OSTF1: variants seen among roughly 807,000 people sequenced by gnomAD.
The protein encoded by OSTF1 is osteoclast-stimulating factor 1.
OSTF1 carries 27 observed loss-of-function variants against 37.2 expected under a neutral mutation model. The ratio of observed to expected loss-of-function variants is 0.73; its 90% CI spans 0.54 to 1.00. OSTF1 has a LOEUF of 1.00. Among genes scored for constraint, OSTF1 ranks in the 50% least tolerant of loss-of-function variants. The probability of loss-of-function intolerance (pLI) is 0.00; values close to 1 mark genes in which losing one functional copy is unlikely to be tolerated. For synonymous variants in OSTF1, 82 were observed against 89.2 expected (o/e 0.92, Z 0.46); for missense variants, 232 against 253.8 (o/e 0.91, Z 0.58).
intron 1 of OSTF1, among the ~76,000 whole-genome samples, chr9:75,107,772 A>G (rs1825314794): frequency 6.6e-6 from 1 of 152,202 alleles, no homozygotes; most frequent in Admixed American, 6.5e-5. Flanking sequence ...AAAATCTACC[A>G]TTAAGCTTTG....
chr9:75,144,945 A>G (rs1825996698), intron 9 of OSTF1, among the ~76,000 whole-genome samples: 1 of 152,026 alleles, frequency 6.6e-6, no homozygotes, highest in Non-Finnish European at 1.5e-5. Flanking sequence ...CTTGCAATTT[A>G]TTTATTAAAG....
chr9:75,140,394 GA>G (rs1212389257), intron 8 of OSTF1, among the ~76,000 whole-genome samples: 1 of 152,336 alleles, frequency 6.6e-6, no homozygotes, highest in East Asian at 1.9e-4. Flanking sequence ...TGGGAATAAT[GA>G]ATTGCCTCTT....
In OSTF1 at chr9:75,117,743, T is replaced by C. The variant is rs531561050; in HGVS notation, c.81+193T>C. On this transcript the variant is annotated intron_variant, in intron 2 of 9. Transcript: ENST00000346234. ...GCATGTCTTCTGCATCTTGAGGTCA[T>C]GTCTGTCTTGTAAAGCTTCTCCCTA... is the stretch of plus-strand genomic sequence containing the variant. Among the ~76,000 whole-genome samples, 4 of 152,328 alleles carry C rather than the reference T, an allele frequency of 2.6e-5. No individual in the cohort carries two copies. In the South Asian group the frequency reaches 8.3e-4, roughly 32 times the overall value.
At position 75,131,789 on chromosome 9, in the gene OSTF1, C is replaced by T. The variant is rs1048084220; in HGVS notation, c.216C>T (p.Ser72=). 5.0e-6 allele frequency: 8 copies of T among 1,613,388 alleles called. No individual in the cohort carries two copies. Among genetic ancestry groups the T allele is most frequent in the Middle Eastern group, 1.6e-4 (1 of 6,084 alleles). ...ATCTAGTGGCTGAGCAGGCAGAATCCATTGACAATCCATTGCATGAAGCAG... is the reference window on the plus strand; with the variant it reads ...ATCTAGTGGCTGAGCAGGCAGAATCTATTGACAATCCATTGCATGAAGCAG... ...PSNYVAEQAE[S]IDNPLHEAAK... The change falls in exon 5 of 10, where the codon TCC becomes TCT. Residue 72 remains serine, a synonymous_variant. Transcript: ENST00000346234.
chr9:75,100,818 A>AC (rs953287805), intron 1 of OSTF1, among the ~76,000 whole-genome samples: 3 of 151,798 alleles, frequency 2.0e-5, no homozygotes, highest in African/African-American at 7.3e-5. Flanking sequence ...TAAGAATTTG[A>AC]CCGTGGAAGT....
Position 75,088,549 on chromosome 9 carries a change from C to A in OSTF1, c.-144C>A. The A allele has an allele frequency of 2.3e-6, 2 of 867,776 alleles. No homozygotes were observed. The highest frequency in any genetic ancestry group is 3.7e-6 in the Non-Finnish European group (2 of 546,458). 53.8% of individuals were successfully genotyped at this position (867,776 alleles called of 1,614,324 possible). On this transcript the variant is annotated 5_prime_UTR_variant, in exon 1 of 10. Coordinates refer to ENST00000346234, the MANE Select transcript of OSTF1 (RefSeq NM_012383.5). Reference sequence around the variant, plus strand: ...GCCGCTCTGCCTGCGTCCGCTCTTCCCGCAGCCAAGGGTGGGCGCCGGTCC... The same window carrying A: ...GCCGCTCTGCCTGCGTCCGCTCTTCACGCAGCCAAGGGTGGGCGCCGGTCC...
At chr9:75,124,256 G>A (rs1825627571) in intron 2 of OSTF1, among the ~76,000 whole-genome samples, 1 of 152,192 alleles carries the variant, frequency 6.6e-6, no homozygotes, top group Admixed American at 6.5e-5. Context: ...CCCCTCAAGC[G>A]TTTATCGTTT....
rs1389353232 is a variant in OSTF1 at position 75,119,571 on chromosome 9, T to G, written c.81+2021T>G. Reference sequence around the variant, plus strand: ...GATCAAGGTGTCGGCAGGATTGGTTTCTTCTGAGGCCTTGCTTCTTGGCTT... The same window carrying G: ...GATCAAGGTGTCGGCAGGATTGGTTGCTTCTGAGGCCTTGCTTCTTGGCTT... On this transcript the variant is annotated intron_variant, in intron 2 of 9. Transcript: ENST00000346234. 4.6e-5 allele frequency among the ~76,000 whole-genome samples: 7 copies of G among 152,220 alleles called. No individual in the cohort carries two copies. In the South Asian group the frequency reaches 1.4e-3, roughly 32 times the overall value.
chr9:75,115,446 C>A (rs1245445073), intron 1 of OSTF1, among the ~76,000 whole-genome samples: 1 of 152,106 alleles, frequency 6.6e-6, no homozygotes, highest in Non-Finnish European at 1.5e-5. Flanking sequence ...TGCACGCCAT[C>A]ATGCCCGGCA....
At chr9:75,130,735 A>G in intron 4 of OSTF1, 94 bp downstream of exon 4, 1 of 796,534 alleles carries the variant, frequency 1.3e-6, no homozygotes, top group Non-Finnish European at 2.3e-6. Context: ...CTGAGAAAGC[A>G]ATGGAGTCAT....
At chr9:75,134,974 A>G (rs1308513196) in intron 7 of OSTF1, among the ~76,000 whole-genome samples, 2 of 152,146 alleles carry the variant, frequency 1.3e-5, no homozygotes, top group Non-Finnish European at 2.9e-5. Flanking sequence ...AAAATGTGTA[A>G]GATAATCAAC....
At chr9:75,131,901 C>T in intron 5 of OSTF1, 78 bp downstream of exon 5, 1 of 1,012,460 alleles carries the variant, frequency 9.9e-7, no homozygotes, top group Non-Finnish European at 1.6e-6. Context: ...CAAGTGCATA[C>T]ACCCACGTAA....
chr9:75,099,985 A>G (rs1461664791), intron 1 of OSTF1, among the ~76,000 whole-genome samples: 1 of 152,250 alleles, frequency 6.6e-6, no homozygotes, highest in African/African-American at 2.4e-5. Context: ...GAAAATTATT[A>G]TAGTGCTCAA....
At chr9:75,146,152 G>C (rs1047183488) in intron 9 of OSTF1, among the ~76,000 whole-genome samples, 1 of 152,232 alleles carries the variant, frequency 6.6e-6, no homozygotes, top group Non-Finnish European at 1.5e-5. Flanking sequence ...AAGTTTGCTT[G>C]AACATTTGAT....
At chr9:75,109,960 A>C (rs1825355624) in intron 1 of OSTF1, among the ~76,000 whole-genome samples, 1 of 152,204 alleles carries the variant, frequency 6.6e-6, no homozygotes, top group Non-Finnish European at 1.5e-5. Context: ...GAAGGTACAG[A>C]GATTTCTCAT....
chr9:75,129,507 C>T lies in OSTF1; in HGVS notation c.133-1071C>T, dbSNP rs570327670. ...GGCTACTAACATTACAAAAAGAAGC[C>T]GACTAGATAGTTTGCATTTCCTAAT... On this transcript the variant is annotated intron_variant, in intron 3 of 9. Transcript: ENST00000346234. 5.3e-5 allele frequency among the ~76,000 whole-genome samples: 8 copies of T among 152,126 alleles called. No homozygotes were observed. In the South Asian group the frequency reaches 8.3e-4, roughly 16 times the overall value.
At chr9:75,107,534 T>C (rs758482822) in intron 1 of OSTF1, among the ~76,000 whole-genome samples, 3 of 152,216 alleles carry the variant, frequency 2.0e-5, no homozygotes, top group Non-Finnish European at 4.4e-5. Flanking sequence ...TGGGAGAATA[T>C]TGTTTTTTAT....
chr9:75,131,962 C>T lies in OSTF1; in HGVS notation c.250+139C>T. ...CATTTCTGCCATCCTAGAAAGTTCC[C>T]TTTGCACCTTCTCAGTTAAATCCCT... is the stretch of plus-strand genomic sequence containing the variant. On this transcript the variant is annotated intron_variant, in intron 5 of 9. Coordinates refer to ENST00000346234, the MANE Select transcript of OSTF1 (RefSeq NM_012383.5). 3 of 644,264 alleles carry T rather than the reference C, an allele frequency of 4.7e-6. No homozygotes were observed. In the Admixed American group the frequency reaches 7.1e-5, roughly 15 times the overall value. The allele number at this position is 644,264 out of a possible 1,614,324, so 39.9% of individuals were successfully genotyped here.
chr9:75,088,525 C>T lies in OSTF1; in HGVS notation c.-168C>T, dbSNP rs1037222085. ...GGGCGGGGCGGAGCACTCGGCGGAG[C>T]CGCTCTGCCTGCGTCCGCTCTTCCC... On this transcript the variant is annotated 5_prime_UTR_variant, in exon 1 of 10. Transcript: ENST00000346234. The T allele has an allele frequency of 9.8e-6, 7 of 713,270 alleles. No homozygotes were observed. The highest frequency in any genetic ancestry group is 1.8e-5 in the African/African-American group (1 of 56,208). The allele number at this position is 713,270 out of a possible 1,614,324, so 44.2% of individuals were successfully genotyped here. A position where few individuals can be genotyped will look rare whatever the true frequency, so the allele number is the denominator to read the frequency against.
Sources: allele counts gnomAD v4.1 joint callset (sites outside exome capture counted in the v4.1 genomes callset), GRCh38; gene constraint gnomAD v4.1.1; transcripts MANE v1.5; gene names NCBI Gene and HGNC (gene_info 2026-07-23, HGNC 2026-07-21).